Variants in CRB1 observed in about 807,000 individuals in gnomAD.
CRB1 encodes protein crumbs homolog 1.
In CRB1, 83 loss-of-function variants were observed where a neutral mutation model predicts 120.0. The observed-to-expected ratio is 0.69, with a 90% CI of 0.58 to 0.83. The LOEUF (loss-of-function observed/expected upper bound fraction) is 0.83. CRB1 is among the 40% of genes least tolerant of loss of function. CRB1 has a pLI of 0.00. For synonymous variants in CRB1, 625 were observed against 612.5 expected (o/e 1.02, Z -0.30); for missense variants, 1,699 against 1,687.6 (o/e 1.01, Z -0.12).
At chr1:197,334,787 CAT>C (rs1300538756) in intron 2 of CRB1, among the ~76,000 whole-genome samples, 2 of 152,132 alleles carry the variant, frequency 1.3e-5, no homozygotes, top group Non-Finnish European at 2.9e-5. Context: ...TTATTCAACA[CAT>C]ATATATTGAG....
chr1:197,291,336 G>A (rs1656168648), intron 1 of CRB1, among the ~76,000 whole-genome samples: 2 of 151,558 alleles, frequency 1.3e-5, no homozygotes, highest in Non-Finnish European at 3.0e-5. Flanking sequence ...ATAAACATAC[G>A]GCACTTTGCA....
chr1:197,365,607 TCTC>T lies in CRB1; in HGVS notation c.1171+8597_1171+8599del, dbSNP rs1455426337. Among the ~76,000 whole-genome samples, 63 of 139,726 alleles carry T rather than the reference TCTC, an allele frequency of 4.5e-4. 1 individual carries two copies. Among genetic ancestry groups the T allele is most frequent in the African/African-American group, 1.6e-3 (49 of 31,038 alleles). The allele number at this position is 139,726 out of a possible 152,430, so 91.7% of individuals were successfully genotyped here. Reference sequence around the variant, plus strand: ...TCCTTCTCCTTCTCCTCCTTCTCCTTCTCCTTCTTCTTCTTCTTCTTTTTTTTT... The same window carrying T: ...TCCTTCTCCTTCTCCTCCTTCTCCTTCTTCTTCTTCTTCTTCTTTTTTTTT... On this transcript the variant is annotated intron_variant, in intron 5 of 11. Coordinates refer to ENST00000367400, the MANE Select transcript of CRB1 (RefSeq NM_201253.3).
At chr1:197,438,772 C>G (rs577910540) in intron 10 of CRB1, 97 bp downstream of exon 10, 2 of 1,465,100 alleles carry the variant, frequency 1.4e-6, no homozygotes, top group African/African-American at 2.8e-5. Context: ...TATCTCAGTT[C>G]CCATAGGAAA....
Position 197,364,062 on chromosome 1 carries a change from T to C in CRB1, c.1171+7049T>C, listed in dbSNP as rs1032737394. 6 of 1,329,356 alleles carry C rather than the reference T, an allele frequency of 4.5e-6. No individual in the cohort carries two copies. The African/African-American group carries it at 7.2e-5, about 16-fold the overall frequency. 82.3% of individuals were successfully genotyped at this position (1,329,356 alleles called of 1,614,324 possible). On this transcript the variant is annotated intron_variant, in intron 5 of 11. Transcript: ENST00000367400. ...TCTTGATGCGAAAGAATCAGGCAGA[T>C]CCGTGGCGGGGCTGCTGAGGCGGGC...
intron 7 of CRB1, chr1:197,429,051 CTG>C (rs1664740849): frequency 6.7e-7 from 1 of 1,492,534 alleles, no homozygotes; most frequent in South Asian, 1.2e-5. Context: ...TGTTTCGCTT[CTG>C]TGTAGGATCT....
chr1:197,376,360 T>C (rs945409146), intron 5 of CRB1, among the ~76,000 whole-genome samples: 2 of 152,168 alleles, frequency 1.3e-5, no homozygotes, highest in Non-Finnish European at 2.9e-5. Flanking sequence ...CTTTTTATTT[T>C]TTTATCTTCA....
rs543386708 is a variant in CRB1 at position 197,410,136 on chromosome 1, A to G, written c.1172-10864A>G. Among the ~76,000 whole-genome samples, 111 of 152,248 alleles carry G rather than the reference A, an allele frequency of 7.3e-4. 1 individual carries two copies. The highest frequency in any genetic ancestry group is 1.5e-5 in the Non-Finnish European group (1 of 68,010). On this transcript the variant is annotated intron_variant, in intron 5 of 11. Coordinates refer to ENST00000367400, the MANE Select transcript of CRB1 (RefSeq NM_201253.3). Reference sequence around the variant, plus strand: ...ATTCATTTTCTAGTTCTCAGCTGTCATTTCCTGCTGGCTGAAAAGGTACAC... The same window carrying G: ...ATTCATTTTCTAGTTCTCAGCTGTCGTTTCCTGCTGGCTGAAAAGGTACAC...
chr1:197,422,248 A>G (rs1664374703), intron 6 of CRB1, among the ~76,000 whole-genome samples: 1 of 152,184 alleles, frequency 6.6e-6, no homozygotes, highest in Non-Finnish European at 1.5e-5. Context: ...TGCTACTGCA[A>G]TTTTACCATT....
the CRB1 span, among the ~76,000 whole-genome samples, chr1:197,224,713 G>A: frequency 2.0e-5 from 3 of 152,030 alleles, no homozygotes; most frequent in Non-Finnish European, 4.4e-5. Context: ...AATTCATGCT[G>A]AAGATACAGT....
Position 197,442,292 on chromosome 1 carries a change from C to A in CRB1, c.4005C>A (p.Asp1335Glu), listed in dbSNP as rs563910772. ...VAFAGERCEVDLADDLISDIF... is the reference protein window; with the variant it reads ...VAFAGERCEVELADDLISDIF... The stretch of plus-strand genomic sequence containing the variant: ...TTGCTGGCGAGCGCTGCGAGGTGGA[C>A]GTAAGCAGCCTCTCCTTTTATGTCT... Residue 1335 changes from aspartate to glutamate, a missense_variant and splice_region_variant, in exon 11 of 12, where the codon GAC becomes GAA. By Grantham distance (45) the Asp-to-Glu change is conservative. Coordinates refer to ENST00000367400, the MANE Select transcript of CRB1 (RefSeq NM_201253.3). 6.2e-7 allele frequency: 1 copy of A among 1,614,056 alleles called. No individual in the cohort carries two copies. The highest frequency in any genetic ancestry group is 1.3e-5 in the African/African-American group (1 of 74,920).
At chr1:197,471,819 G>T (rs1236912417) in intron 11 of CRB1, among the ~76,000 whole-genome samples, 1 of 152,198 alleles carries the variant, frequency 6.6e-6, no homozygotes, top group African/African-American at 2.4e-5. Flanking sequence ...TCACTCATAA[G>T]ATATAGTTCA....
intron 1 of CRB1, among the ~76,000 whole-genome samples, chr1:197,322,356 A>G (rs1213883040): frequency 6.6e-6 from 1 of 151,842 alleles, no homozygotes; most frequent in Non-Finnish European, 1.5e-5. Context: ...CCAGCTACTC[A>G]GGAGGCTGAG....
At chr1:197,414,712 G>A (rs940901871) in intron 5 of CRB1, among the ~76,000 whole-genome samples, 3 of 152,078 alleles carry the variant, frequency 2.0e-5, no homozygotes, top group African/African-American at 7.2e-5. Flanking sequence ...GGCCCCAATG[G>A]TCCCATAAAT....
rs372332019 is a variant in CRB1, at chr1:197,431,447, TTTAA to T, written c.2842+1837_2842+1840del. Among the ~76,000 whole-genome samples the T allele has an allele frequency of 7.5e-4, 115 of 152,358 alleles. No individual in the cohort carries two copies. The East Asian group carries it at 0.02, about 27-fold the overall frequency. Reference sequence around the variant, plus strand: ...AAATGATACTTTTTCATTCTACTTCTTTAATTATTCTAAAATAATTTCTTAATTA... The same window carrying T: ...AAATGATACTTTTTCATTCTACTTCTTTATTCTAAAATAATTTCTTAATTA... On this transcript the variant is annotated intron_variant, in intron 8 of 11. Coordinates refer to ENST00000367400, the MANE Select transcript of CRB1 (RefSeq NM_201253.3).
intron 4 of CRB1, among the ~76,000 whole-genome samples, chr1:197,349,317 T>G (rs984660557): frequency 6.6e-6 from 1 of 152,240 alleles, no homozygotes; most frequent in African/African-American, 2.4e-5. Context: ...ATGATGAAAT[T>G]GTGTAATGAC....
At chr1:197,269,838 A>C (rs1225797709) in intron 1 of CRB1, among the ~76,000 whole-genome samples, 1 of 152,182 alleles carries the variant, frequency 6.6e-6, no homozygotes, top group African/African-American at 2.4e-5. Context: ...ATTGATAAAT[A>C]TATATCATTT....
At chr1:197,204,093 A>G in the CRB1 span, among the ~76,000 whole-genome samples, 2 of 152,150 alleles carry the variant, frequency 1.3e-5, no homozygotes, top group African/African-American at 4.8e-5. Context: ...ATAGTCTCCA[A>G]TCCATGTTGC....
intron 5 of CRB1, among the ~76,000 whole-genome samples, chr1:197,395,543 G>A (rs1038680008): frequency 1.3e-5 from 2 of 152,060 alleles, no homozygotes; most frequent in Admixed American, 1.3e-4. Flanking sequence ...GTTAGGTGGT[G>A]ATTCAACATA....
At chr1:197,256,209 G>A in the CRB1 span, among the ~76,000 whole-genome samples, 1 of 151,176 alleles carries the variant, frequency 6.6e-6, no homozygotes, top group Non-Finnish European at 1.5e-5. Context: ...TCTGTTCTTA[G>A]AGAAATACTT....
Sources: allele counts gnomAD v4.1 joint callset (sites outside exome capture counted in the v4.1 genomes callset), GRCh38; gene constraint gnomAD v4.1.1; transcripts MANE v1.5; gene names NCBI Gene and HGNC (gene_info 2026-07-23, HGNC 2026-07-21).